The following SPAG16 variants were observed in gnomAD, a reference collection of about 807,000 sequenced individuals.
SPAG16 encodes sperm-associated antigen 16 protein.
A neutral mutation model predicts 80.4 loss-of-function variants in SPAG16; 86 were observed. The ratio of observed to expected loss-of-function variants is 1.07; its 90% confidence interval spans 0.90 to 1.28. SPAG16 has a LOEUF of 1.28. Ranked by LOEUF, SPAG16 falls within the 50% of genes most tolerant of loss-of-function variation. The pLI, the probability that SPAG16 is intolerant of heterozygous loss-of-function variation, is 0.00. For synonymous variants in SPAG16, 294 were observed against 265.9 expected (o/e 1.11, Z -1.03); for missense variants, 870 against 765.3 (o/e 1.14, Z -1.61).
chr2:213,322,348 A>AC (rs1330462776), intron 5 of SPAG16, among the ~76,000 whole-genome samples: 2 of 109,818 alleles, frequency 1.8e-5, no homozygotes, highest in South Asian at 1.0e-3. Context: ...AAAAAAAAAA[A>AC]AAAAAAAACA....
intron 12 of SPAG16, among the ~76,000 whole-genome samples, chr2:214,011,996 A>T (rs2047302769): frequency 6.6e-6 from 1 of 151,900 alleles, no homozygotes; most frequent in African/African-American, 2.4e-5. Context: ...GCTGGACAGG[A>T]TCACCGAGTG....
At chr2:213,917,627 A>G (rs1344828506) in intron 11 of SPAG16, among the ~76,000 whole-genome samples, 1 of 152,194 alleles carries the variant, frequency 6.6e-6, no homozygotes, top group Non-Finnish European at 1.5e-5. Flanking sequence ...TCGATTTTGT[A>G]TCCTGAGACT....
chr2:213,347,693 G>T (rs1326181098), intron 6 of SPAG16, among the ~76,000 whole-genome samples: 5 of 152,218 alleles, frequency 3.3e-5, no homozygotes, highest in Non-Finnish European at 7.3e-5. Context: ...TAGTTGAGCG[G>T]TTTTCAGTGA....
chr2:213,861,833 A>T (rs2075478534), intron 10 of SPAG16, among the ~76,000 whole-genome samples: 3 of 152,034 alleles, frequency 2.0e-5, no homozygotes, highest in Non-Finnish European at 4.4e-5. Context: ...CTTCTTTCTC[A>T]TTTCCCTCTA....
intron 15 of SPAG16, among the ~76,000 whole-genome samples, chr2:214,227,639 T>C (rs1370811666): frequency 1.3e-5 from 2 of 151,828 alleles, no homozygotes; most frequent in African/African-American, 4.8e-5. Flanking sequence ...TTGAAAATTC[T>C]AACTTCCAGT....
chr2:213,873,031 A>G (rs1046752557), intron 11 of SPAG16, among the ~76,000 whole-genome samples: 3 of 152,062 alleles, frequency 2.0e-5, no homozygotes, highest in African/African-American at 7.2e-5. Flanking sequence ...GACATGGGTG[A>G]TGCCTTTTTC....
intron 10 of SPAG16, among the ~76,000 whole-genome samples, chr2:213,564,272 A>G (rs1217148295): frequency 6.6e-6 from 1 of 152,094 alleles, no homozygotes. Context: ...AGGCAGGTGG[A>G]TCTCTTGAGG....
At chr2:213,686,884 T>G (rs1012856342) in intron 10 of SPAG16, among the ~76,000 whole-genome samples, 1 of 151,268 alleles carries the variant, frequency 6.6e-6, no homozygotes, top group Non-Finnish European at 1.5e-5. Context: ...GGGGTTTCAC[T>G]GTTTTAGCCA....
At chr2:214,048,752 G>A (rs752152646) in intron 13 of SPAG16, among the ~76,000 whole-genome samples, 8 of 151,980 alleles carry the variant, frequency 5.3e-5, no homozygotes, top group Admixed American at 2.6e-4. Context: ...TTGATGTGAT[G>A]GATACCCTAA....
At chr2:213,917,832 A>C (rs2078039352) in intron 11 of SPAG16, among the ~76,000 whole-genome samples, 2 of 152,256 alleles carry the variant, frequency 1.3e-5, no homozygotes, top group Middle Eastern at 6.8e-3. Context: ...ATGGTGAAGA[A>C]GGCATACTTG....
chr2:214,315,995 T>C (rs1695668182), intron 15 of SPAG16, among the ~76,000 whole-genome samples: 1 of 152,198 alleles, frequency 6.6e-6, no homozygotes, highest in Non-Finnish European at 1.5e-5. Context: ...TATGCTGTCA[T>C]TGATCTGCCC....
At chr2:213,852,903 A>G (rs571484909) in intron 10 of SPAG16, among the ~76,000 whole-genome samples, 74 of 152,234 alleles carry the variant, frequency 4.9e-4, no homozygotes, top group Non-Finnish European at 5.0e-4. Flanking sequence ...AGTACTTTAT[A>G]TAAATGCTAA....
chr2:213,777,113 C>A (rs1055736431), intron 10 of SPAG16, among the ~76,000 whole-genome samples: 1 of 151,764 alleles, frequency 6.6e-6, no homozygotes, highest in African/African-American at 2.4e-5. Flanking sequence ...TCATGTATAT[C>A]ATTTGAAAAA....
chr2:214,319,631 T>G (rs1326918888), intron 15 of SPAG16, among the ~76,000 whole-genome samples: 1 of 152,156 alleles, frequency 6.6e-6, no homozygotes, highest in African/African-American at 2.4e-5. Context: ...AAATGAAGAT[T>G]ATTTTTTTAA....
At chr2:213,698,813 G>C (rs1045836119) in intron 10 of SPAG16, among the ~76,000 whole-genome samples, 3 of 152,144 alleles carry the variant, frequency 2.0e-5, no homozygotes, top group Non-Finnish European at 4.4e-5. Flanking sequence ...TCACTGAACT[G>C]ATTTTGAATT....
At chr2:214,059,260 G>GTATATA (rs34712920) in intron 13 of SPAG16, among the ~76,000 whole-genome samples, 2,468 of 132,808 alleles carry the variant, frequency 0.019, 55 homozygotes, top group African/African-American at 0.042. Flanking sequence ...ATATATGTAT[G>GTATATA]TATATATATA....
intron 10 of SPAG16, among the ~76,000 whole-genome samples, chr2:213,783,188 GT>G (rs1194350997): frequency 6.6e-6 from 1 of 150,816 alleles, no homozygotes; most frequent in Non-Finnish European, 1.5e-5. Context: ...GAGAATGATG[GT>G]TTCCAATTTC....
chr2:213,547,236 G>A (rs1446606009), intron 10 of SPAG16, among the ~76,000 whole-genome samples: 1 of 151,834 alleles, frequency 6.6e-6, no homozygotes, highest in Non-Finnish European at 1.5e-5. Context: ...TTATAGTCTT[G>A]AAATAATATA....
At position 214,396,838 on chromosome 2, in the gene SPAG16, C is replaced by A. The variant is rs548076247; in HGVS notation, c.1721-13302C>A. ...ACTTTTTATAGATCTACATCAAGAT[C>A]TTTTGAACATGTGCAAAGTTGCCAC... On this transcript the variant is annotated intron_variant, in intron 15 of 15. Transcript: ENST00000331683. Among the ~76,000 whole-genome samples, 47 of 151,972 alleles carry A rather than the reference C, an allele frequency of 3.1e-4. No individual in the cohort carries two copies. The South Asian group carries it at 9.5e-3, about 31-fold the overall frequency.
Sources: gnomAD v4.1 joint callset for allele counts (sites outside exome capture counted in the v4.1 genomes callset) on GRCh38, gnomAD v4.1.1 for gene constraint, MANE v1.5 for transcripts, NCBI Gene and HGNC (gene_info 2026-07-23, HGNC 2026-07-21) for gene names.